The following PLXNA4 variants were observed in gnomAD, a reference collection of about 807,000 sequenced individuals.
The protein encoded by PLXNA4 is plexin-A4.
PLXNA4 carries 44 observed loss-of-function variants against 191.8 expected under a neutral mutation model. That is an observed-to-expected ratio of 0.23 (90% CI 0.18 to 0.29). The LOEUF is 0.29. PLXNA4 is among the 10% of genes least tolerant of loss of function. The pLI is 1.00. For synonymous variants in PLXNA4, 1,082 were observed against 1,009.5 expected (o/e 1.07, Z -1.36); for missense variants, 1,800 against 2,488.8 (o/e 0.72, Z 5.89).
chr7:132,580,509 C>A (rs180979760), upstream of PLXNA4, among the ~76,000 whole-genome samples: 1 of 152,290 alleles, frequency 6.6e-6, no homozygotes, highest in Admixed American at 6.5e-5. Flanking sequence ...GAGGGAGAAG[C>A]TAAATGGCAC....
chr7:132,539,581 G>T (rs1234904369), intron 1 of PLXNA4, among the ~76,000 whole-genome samples: 1 of 152,188 alleles, frequency 6.6e-6, no homozygotes, highest in Non-Finnish European at 1.5e-5. Flanking sequence ...CCGGCTAGCT[G>T]CACAACCTTG....
chr7:132,593,036 C>A (rs1292357374), intron 2 of PLXNA4, among the ~76,000 whole-genome samples: 1 of 152,190 alleles, frequency 6.6e-6, no homozygotes, highest in African/African-American at 2.4e-5. Flanking sequence ...TACAGTGACA[C>A]AAATGACAGG....
At chr7:132,151,659 A>G (rs1010942423) in intron 25 of PLXNA4, among the ~76,000 whole-genome samples, 2 of 152,006 alleles carry the variant, frequency 1.3e-5, no homozygotes, top group Non-Finnish European at 2.9e-5. Flanking sequence ...GAAGAAGAAG[A>G]AAGTAGTAGT....
At chr7:132,170,614 T>A (rs1198768072) in intron 21 of PLXNA4, among the ~76,000 whole-genome samples, 2 of 152,220 alleles carry the variant, frequency 1.3e-5, no homozygotes, top group Admixed American at 1.3e-4. Flanking sequence ...GGCAAGGCAC[T>A]GGCAGGAGGC....
intron 3 of PLXNA4, among the ~76,000 whole-genome samples, chr7:132,372,292 G>A (rs1804473293): frequency 6.6e-6 from 1 of 152,244 alleles, no homozygotes; most frequent in South Asian, 2.1e-4. Context: ...ATAACCTTGA[G>A]TGGCTCTGCT....
chr7:132,264,848 C>A (rs1347938379), intron 4 of PLXNA4, among the ~76,000 whole-genome samples: 3 of 152,222 alleles, frequency 2.0e-5, no homozygotes, highest in East Asian at 3.9e-4. Context: ...CAGGCGCCTG[C>A]CACCTCACCC....
At chr7:132,349,026 A>G (rs546144055) in intron 3 of PLXNA4, among the ~76,000 whole-genome samples, 1 of 152,210 alleles carries the variant, frequency 6.6e-6, no homozygotes, top group African/African-American at 2.4e-5. Context: ...CACCATGTGT[A>G]CTTCTGTTTG....
chr7:132,302,419 G>A (rs936787681), intron 3 of PLXNA4, among the ~76,000 whole-genome samples: 1 of 152,022 alleles, frequency 6.6e-6, no homozygotes, highest in East Asian at 1.9e-4. Context: ...CCCAATACAT[G>A]GTTGGTGCTT....
chr7:132,213,950 G>A (rs928499765), intron 9 of PLXNA4, among the ~76,000 whole-genome samples: 4 of 152,206 alleles, frequency 2.6e-5, no homozygotes, highest in Non-Finnish European at 4.4e-5. Context: ...AGAATCCTCT[G>A]ACTACCCTCA....
At position 132,365,328 on chromosome 7, in the gene PLXNA4, C is replaced by CGTGTGTGTGTGTGTGTGTGT. The variant is rs3057957; in HGVS notation, c.1372-67126_1372-67107dup. Among the ~76,000 whole-genome samples, 4 of 142,994 alleles carry CGTGTGTGTGTGTGTGTGTGT rather than the reference C, an allele frequency of 2.8e-5. 1 individual carries two copies. The highest frequency in any genetic ancestry group is 4.7e-4 in the South Asian group (2 of 4,224). 93.8% of individuals were successfully genotyped at this position (142,994 alleles called of 152,430 possible). ...CTCCCCCGGTCTTTCCTACGGCCCGCGTGTGTGTGTGTGTGTGTGTGTGTG... is the reference window on the plus strand; with the variant it reads ...CTCCCCCGGTCTTTCCTACGGCCCGCGTGTGTGTGTGTGTGTGTGTGTGTGTGTGTGTGTGTGTGTGTGTG... On this transcript the variant is annotated intron_variant, in intron 3 of 31. Coordinates refer to ENST00000321063, the MANE Select transcript of PLXNA4 (RefSeq NM_020911.2).
chr7:132,606,342 G>A (rs1802923083), intron 2 of PLXNA4, among the ~76,000 whole-genome samples: 1 of 152,186 alleles, frequency 6.6e-6, no homozygotes, highest in South Asian at 2.1e-4. Context: ...CACCTAGGTT[G>A]TGGTACTTTG....
intron 14 of PLXNA4, 50 bp from the exon 15 acceptor site, chr7:132,187,657 G>A: frequency 6.4e-7 from 1 of 1,558,238 alleles, no homozygotes; most frequent in East Asian, 2.3e-5. Flanking sequence ...GGGTGGAGGA[G>A]GCTTCTGGGC....
intron 3 of PLXNA4, among the ~76,000 whole-genome samples, chr7:132,449,563 AAG>A (rs1796040083): frequency 6.6e-6 from 1 of 152,136 alleles, no homozygotes; most frequent in South Asian, 2.1e-4. Context: ...TACTCCCATA[AAG>A]GGGTGAGGAG....
chr7:132,145,617 C>G (rs890178478), intron 28 of PLXNA4: 2 of 320,592 alleles, frequency 6.2e-6, no homozygotes, highest in Non-Finnish European at 1.2e-5. Flanking sequence ...CTCACTTGGT[C>G]AGAGCAGACA....
chr7:132,514,822 A>G (rs1039743329), intron 1 of PLXNA4, among the ~76,000 whole-genome samples: 8 of 152,080 alleles, frequency 5.3e-5, no homozygotes, highest in Admixed American at 4.6e-4. Flanking sequence ...ACACACACAC[A>G]CACACATCCT....
At chr7:132,416,660 A>G (rs1794671786) in intron 3 of PLXNA4, among the ~76,000 whole-genome samples, 1 of 152,252 alleles carries the variant, frequency 6.6e-6, no homozygotes, top group Non-Finnish European at 1.5e-5. Context: ...ATAATGGCAC[A>G]GGGCTGTCCA....
At chr7:132,335,407 G>A (rs1483418170) in intron 3 of PLXNA4, among the ~76,000 whole-genome samples, 1 of 152,218 alleles carries the variant, frequency 6.6e-6, no homozygotes, top group African/African-American at 2.4e-5. Flanking sequence ...GCCAGAGGTT[G>A]TTTGTTCCCA....
intron 4 of PLXNA4, among the ~76,000 whole-genome samples, chr7:132,295,643 C>T (rs1422689909): frequency 2.0e-5 from 3 of 152,162 alleles, no homozygotes; most frequent in African/African-American, 4.8e-5. Flanking sequence ...GTTCCTGATG[C>T]GCTCTCCCCC....
chr7:132,348,971 C>A (rs1020400998), intron 3 of PLXNA4, among the ~76,000 whole-genome samples: 12 of 152,258 alleles, frequency 7.9e-5, no homozygotes, highest in Admixed American at 3.3e-4. Context: ...GGGGCAGCGT[C>A]CCAAGTCTGA....
Sources: gnomAD v4.1 joint callset for allele counts (sites outside exome capture counted in the v4.1 genomes callset) on GRCh38, gnomAD v4.1.1 for gene constraint, MANE v1.5 for transcripts, NCBI Gene and HGNC (gene_info 2026-07-23, HGNC 2026-07-21) for gene names.